Variants in PTER observed in about 807,000 individuals in gnomAD.
PTER encodes the protein phosphotriesterase related.
A neutral mutation model predicts 29.6 loss-of-function variants in PTER; 38 were observed. The ratio of observed to expected loss-of-function variants is 1.28; its 90% CI spans 0.99 to 1.68. The LOEUF is 1.68. Ranked by LOEUF, PTER falls within the 40% of genes most tolerant of loss-of-function variation. The pLI is 0.00. For synonymous variants in PTER, 172 were observed against 154.5 expected (o/e 1.11, Z -0.84); for missense variants, 482 against 427.8 (o/e 1.13, Z -1.12).
At chr10:16,461,618 T>G (rs1834615334) in intron 1 of PTER, among the ~76,000 whole-genome samples, 1 of 152,162 alleles carries the variant, frequency 6.6e-6, no homozygotes, top group South Asian at 2.1e-4. Flanking sequence ...AACACTTCTC[T>G]CTGTCAGGTG....
At chr10:16,500,615 AG>A (rs1292909010) in intron 3 of PTER, among the ~76,000 whole-genome samples, 2 of 152,236 alleles carry the variant, frequency 1.3e-5, no homozygotes, top group Non-Finnish European at 2.9e-5. Context: ...GTCTTCCTCT[AG>A]AAAGACATCT....
chr10:16,473,435 G>A (rs995000291), intron 1 of PTER, among the ~76,000 whole-genome samples: 5 of 145,552 alleles, frequency 3.4e-5, no homozygotes, highest in Non-Finnish European at 7.4e-5. Flanking sequence ...TTCTCCTAGC[G>A]CTTGAACCCG....
Position 16,456,863 on chromosome 10 carries a change from G to GGT in PTER, c.-49+19817_-49+19818insTG, listed in dbSNP as rs374886501. On this transcript the variant is annotated intron_variant, in intron 1 of 4. Transcript: ENST00000535784. ...GAGGTAACTGAACCATGGGGAAGGT[G>GGT]GGGGGGGGTTCCGCCATGCTGTTCT... Among the ~76,000 whole-genome samples, 2 of 49,944 alleles carry GGT rather than the reference G, an allele frequency of 4.0e-5. 1 individual carries two copies. Among genetic ancestry groups the GGT allele is most frequent in the East Asian group, 2.1e-3 (2 of 960 alleles). The allele number at this position is 49,944 out of a possible 152,430, so 32.8% of individuals were successfully genotyped here.
chr10:16,439,145 A>G (rs545174430), intron 1 of PTER, among the ~76,000 whole-genome samples: 1 of 152,236 alleles, frequency 6.6e-6, no homozygotes, highest in East Asian at 1.9e-4. Flanking sequence ...GGGTCTGTTT[A>G]TTCAATCAAA....
chr10:16,441,958 G>GTTCT (rs1833866166), intron 1 of PTER, among the ~76,000 whole-genome samples: 1 of 151,898 alleles, frequency 6.6e-6, no homozygotes, highest in African/African-American at 2.4e-5. Flanking sequence ...TAAACACTGA[G>GTTCT]TTCTTTCTTC....
intron 1 of PTER, among the ~76,000 whole-genome samples, chr10:16,459,974 C>T (rs1834552309): frequency 6.6e-6 from 1 of 152,124 alleles, no homozygotes; most frequent in East Asian, 1.9e-4. Flanking sequence ...TCTCGAACTC[C>T]CGACCTCAGG....
intron 1 of PTER, among the ~76,000 whole-genome samples, chr10:16,441,770 A>G (rs183354518): frequency 6.6e-6 from 1 of 152,358 alleles, no homozygotes; most frequent in Non-Finnish European, 1.5e-5. Flanking sequence ...TATTGGCAGT[A>G]TTCATAAATA....
chr10:16,469,893 G>GT (rs1217743201), intron 1 of PTER, among the ~76,000 whole-genome samples: 4 of 133,036 alleles, frequency 3.0e-5, no homozygotes, highest in South Asian at 2.7e-4. Flanking sequence ...TTTTTTGTTT[G>GT]TTTTTTTGTT....
chr10:16,485,612 C>G (rs137911448), intron 2 of PTER, among the ~76,000 whole-genome samples: 97 of 152,114 alleles, frequency 6.4e-4, no homozygotes, highest in African/African-American at 2.3e-3. Flanking sequence ...ATTTTCCAAC[C>G]AGGACTTTAT....
chr10:16,502,191 C>T (rs1311633092), intron 3 of PTER, among the ~76,000 whole-genome samples: 1 of 152,164 alleles, frequency 6.6e-6, no homozygotes, highest in Non-Finnish European at 1.5e-5. Context: ...ACTCCATTTC[C>T]GTGCTGACTC....
In PTER at chr10:16,486,581, C is replaced by T. The variant is rs561859556; in HGVS notation, c.662C>T (p.Ala221Val). The change falls in exon 3 of 5, where the codon GCA becomes GTA. Residue 221 changes from alanine (A) to valine (V), a missense_variant. Ala to Val is a moderately conservative substitution (Grantham distance 64, BLOSUM62 0). Coordinates refer to ENST00000535784, the MANE Select transcript of PTER (RefSeq NM_001261836.2). ...QIIRILQEAG[A>V]DISKTVMSHL... is the part of the protein sequence containing the mutation. Reference sequence around the variant, plus strand: ...ATCCGAATATTGCAAGAAGCAGGCGCAGACATCTCCAAAACAGTCATGTCA... The same window carrying T: ...ATCCGAATATTGCAAGAAGCAGGCGTAGACATCTCCAAAACAGTCATGTCA... The T allele has an allele frequency of 3.1e-6, 5 of 1,613,908 alleles. No individual in the cohort carries two copies. Among genetic ancestry groups the T allele is most frequent in the Non-Finnish European group, 4.2e-6 (5 of 1,179,870 alleles).
chr10:16,470,814 G>C (rs536209442), intron 1 of PTER, among the ~76,000 whole-genome samples: 1 of 151,782 alleles, frequency 6.6e-6, no homozygotes, highest in Non-Finnish European at 1.5e-5. Flanking sequence ...CTTTAAAAAG[G>C]TTTCTTTCTA....
At chr10:16,501,328 T>TACACACACACACACACAC (rs35321143) in intron 3 of PTER, among the ~76,000 whole-genome samples, 5 of 117,154 alleles carry the variant, frequency 4.3e-5, no homozygotes, top group Non-Finnish European at 8.7e-5. Context: ...AATGAATAAC[T>TACACACACACACACACAC]ACACACACAC....
intron 1 of PTER, among the ~76,000 whole-genome samples, chr10:16,462,019 C>G (rs1834631261): frequency 2.0e-5 from 3 of 147,370 alleles, no homozygotes; most frequent in Non-Finnish European, 4.5e-5. Flanking sequence ...AAGTCTTGCT[C>G]TTGTCACCCA....
chr10:16,487,583 C>T (rs1240991121), intron 3 of PTER, among the ~76,000 whole-genome samples: 1 of 152,132 alleles, frequency 6.6e-6, no homozygotes, highest in Non-Finnish European at 1.5e-5. Context: ...AGAATATGGA[C>T]CTATCTTGTT....
At chr10:16,507,083 AT>A (rs894932370) in intron 4 of PTER, among the ~76,000 whole-genome samples, 1 of 151,740 alleles carries the variant, frequency 6.6e-6, no homozygotes, top group Non-Finnish European at 1.5e-5. Flanking sequence ...AGGAGTTGAG[AT>A]GAGGGTCATG....
intron 1 of PTER, among the ~76,000 whole-genome samples, chr10:16,458,033 C>T (rs1290152959): frequency 6.6e-6 from 1 of 152,182 alleles, no homozygotes; most frequent in Non-Finnish European, 1.5e-5. Flanking sequence ...CTTTTTCTGT[C>T]TCTAAGGTAG....
intron 3 of PTER, among the ~76,000 whole-genome samples, chr10:16,488,562 G>T (rs1291939652): frequency 6.6e-6 from 1 of 151,260 alleles, no homozygotes; most frequent in Non-Finnish European, 1.5e-5. Flanking sequence ...TCATGTTCAA[G>T]TATTCTGCAT....
chr10:16,499,247 G>A (rs1836236636), intron 3 of PTER, among the ~76,000 whole-genome samples: 1 of 151,900 alleles, frequency 6.6e-6, no homozygotes, highest in African/African-American at 2.4e-5. Flanking sequence ...TGATTTTCTT[G>A]TTTCCCGTCC....
Sources: allele counts gnomAD v4.1 joint callset (sites outside exome capture counted in the v4.1 genomes callset), GRCh38; gene constraint gnomAD v4.1.1; transcripts MANE v1.5; gene names NCBI Gene and HGNC (gene_info 2026-07-23, HGNC 2026-07-21).